LIN52: variants seen among roughly 807,000 people sequenced by gnomAD.
LIN52 encodes protein lin-52 homolog.
Under a neutral mutation model 18.5 loss-of-function variants are expected in LIN52, and 4 were observed. The observed-to-expected ratio is 0.22, with a 90% CI of 0.11 to 0.49. LIN52 has a LOEUF of 0.49. LIN52 is among the 20% of genes least tolerant of loss of function. LIN52 has a pLI of 0.97. For missense variants in LIN52, 102 were observed against 139.5 expected (o/e 0.73, Z 1.35); for synonymous variants, 34 against 45.5 (o/e 0.75, Z 1.02).
rs546701923 is a variant in LIN52 at position 74,143,190 on chromosome 14, A to G, written c.283+41952A>G. On this transcript the variant is annotated intron_variant, in intron 5 of 5. Coordinates refer to ENST00000555028, the MANE Select transcript of LIN52 (RefSeq NM_001024674.3). ...CATAACACCTATAGTTTAACAGAAC[A>G]TCTTTCTTATTTTGTACACTATTTT... Among the ~76,000 whole-genome samples, 3 of 152,252 alleles carry G rather than the reference A, an allele frequency of 2.0e-5. No homozygotes were observed. The South Asian group carries it at 6.2e-4, about 32-fold the overall frequency.
chr14:74,154,421 T>C (rs1353466900), intron 5 of LIN52, among the ~76,000 whole-genome samples: 2 of 152,238 alleles, frequency 1.3e-5, no homozygotes, highest in East Asian at 3.8e-4. Context: ...ATATTGGCTG[T>C]GGTTAACCAA....
At chr14:74,096,072 T>C in intron 3 of LIN52, 87 bp downstream of exon 3, 1 of 924,916 alleles carries the variant, frequency 1.1e-6, no homozygotes, top group East Asian at 2.7e-5. Flanking sequence ...TTTTATTTTA[T>C]TTTATTTATG....
intron 5 of LIN52, among the ~76,000 whole-genome samples, chr14:74,175,110 C>T (rs2139578720): frequency 6.6e-6 from 1 of 151,570 alleles, no homozygotes; most frequent in East Asian, 1.9e-4. Flanking sequence ...CTGGGTTAGT[C>T]AGTGAGTGAG....
chr14:74,160,253 A>G (rs898294161), intron 5 of LIN52, among the ~76,000 whole-genome samples: 1 of 152,194 alleles, frequency 6.6e-6, no homozygotes, highest in African/African-American at 2.4e-5. Context: ...CTACAAGCCA[A>G]AGAGAGAGGC....
chr14:74,178,460 A>AT (rs376347275), intron 5 of LIN52, among the ~76,000 whole-genome samples: 19,127 of 141,278 alleles, frequency 0.14, 1,313 homozygotes, highest in South Asian at 0.18. Flanking sequence ...TATTAAAATA[A>AT]TTTTTTTTTT....
At chr14:74,165,735 C>T (rs1198529518) in intron 5 of LIN52, among the ~76,000 whole-genome samples, 6 of 151,946 alleles carry the variant, frequency 3.9e-5, no homozygotes, top group Admixed American at 3.9e-4. Flanking sequence ...TATCGAACTC[C>T]TGGCCTCAAG....
chr14:74,146,870 C>A (rs1378859969), intron 5 of LIN52, among the ~76,000 whole-genome samples: 1 of 152,130 alleles, frequency 6.6e-6, no homozygotes, highest in Non-Finnish European at 1.5e-5. Flanking sequence ...CAGAAATAAA[C>A]CCCCATATTT....
At chr14:74,162,686 G>A (rs535156406) in intron 5 of LIN52, among the ~76,000 whole-genome samples, 15 of 151,844 alleles carry the variant, frequency 9.9e-5, no homozygotes, top group East Asian at 3.9e-4. Context: ...GAGCCACTGC[G>A]CCCAGCCGAA....
chr14:74,168,315 T>C (rs922509624), intron 5 of LIN52, among the ~76,000 whole-genome samples: 3 of 152,228 alleles, frequency 2.0e-5, no homozygotes, highest in African/African-American at 7.2e-5. Context: ...TATTACTTAT[T>C]AATGGAGATA....
At chr14:74,175,751 C>CACACACACA (rs778907221) in intron 5 of LIN52, among the ~76,000 whole-genome samples, 4 of 130,250 alleles carry the variant, frequency 3.1e-5, no homozygotes, top group South Asian at 2.2e-4. Context: ...CACACACACA[C>CACACACACA]CCCCATTATA....
chr14:74,176,123 T>C (rs1399642612), intron 5 of LIN52, among the ~76,000 whole-genome samples: 3 of 152,190 alleles, frequency 2.0e-5, no homozygotes, highest in African/African-American at 7.2e-5. Flanking sequence ...GTGATAACAG[T>C]GCCTTCTAGA....
intron 2 of LIN52, among the ~76,000 whole-genome samples, chr14:74,092,284 T>A (rs980436205): frequency 2.3e-5 from 3 of 131,084 alleles, no homozygotes; most frequent in East Asian, 2.6e-4. Context: ...CAATAATTAT[T>A]ATTATTATAT....
chr14:74,183,166 C>T (rs1050339353), intron 5 of LIN52, among the ~76,000 whole-genome samples: 2 of 151,158 alleles, frequency 1.3e-5, no homozygotes, highest in Non-Finnish European at 2.9e-5. Context: ...GACGCGATCT[C>T]AGCTCACTGC....
chr14:74,106,866 C>T (rs959077510), intron 5 of LIN52, among the ~76,000 whole-genome samples: 4 of 152,232 alleles, frequency 2.6e-5, no homozygotes, highest in African/African-American at 9.6e-5. Context: ...GCTGGGATTA[C>T]AGGTGTGAGC....
At chr14:74,134,341 C>T (rs1050615322) in intron 5 of LIN52, among the ~76,000 whole-genome samples, 1 of 152,144 alleles carries the variant, frequency 6.6e-6, no homozygotes, top group Admixed American at 6.6e-5. Context: ...CACTGAAGTG[C>T]TTGCTTTGAT....
chr14:74,166,531 C>A (rs1000666450), intron 5 of LIN52, among the ~76,000 whole-genome samples: 44 of 152,158 alleles, frequency 2.9e-4, no homozygotes, highest in Non-Finnish European at 6.0e-4. Context: ...TAAATTAAAA[C>A]GTTATTGCTC....
At chr14:74,158,292 T>C (rs904642758) in intron 5 of LIN52, among the ~76,000 whole-genome samples, 2 of 151,780 alleles carry the variant, frequency 1.3e-5, no homozygotes, top group Non-Finnish European at 2.9e-5. Context: ...TTTGTATTTT[T>C]AGTAGAGATG....
intron 5 of LIN52, among the ~76,000 whole-genome samples, chr14:74,159,664 T>C (rs746262081): frequency 1.5e-4 from 23 of 150,906 alleles, no homozygotes; most frequent in Non-Finnish European, 2.4e-4. Context: ...CTCCACCTCC[T>C]GGGTTCAAGT....
intron 5 of LIN52, among the ~76,000 whole-genome samples, chr14:74,137,390 G>T (rs1302986684): frequency 6.6e-6 from 1 of 151,204 alleles, no homozygotes; most frequent in Non-Finnish European, 1.5e-5. Flanking sequence ...TAAAAATCTT[G>T]TGTAGCATTT....
Sources: allele counts gnomAD v4.1 joint callset (sites outside exome capture counted in the v4.1 genomes callset), GRCh38; gene constraint gnomAD v4.1.1; transcripts MANE v1.5; gene names NCBI Gene and HGNC (gene_info 2026-07-23, HGNC 2026-07-21).